IGFL4: variants seen among roughly 807,000 people sequenced by gnomAD.
The protein encoded by IGFL4 is insulin growth factor-like family member 4.
Under a neutral mutation model 15.4 loss-of-function variants are expected in IGFL4, and 12 were observed. The observed-to-expected ratio is 0.78, with a 90% CI of 0.50 to 1.26. IGFL4 has a LOEUF of 1.26. Among genes scored for constraint, IGFL4 ranks in the 50% most tolerant of loss-of-function variants. The pLI is 0.00. For missense variants in IGFL4, 126 were observed against 147.8 expected, an observed-to-expected ratio of 0.85 and a Z score of 0.76; for synonymous variants, 54 against 55.9, an observed-to-expected ratio of 0.97 and a Z score of 0.16.
chr19:46,049,681 C>T (rs976974693), intron 2 of IGFL4, among the ~76,000 whole-genome samples: 3 of 152,138 alleles, frequency 2.0e-5, no homozygotes, highest in Admixed American at 1.3e-4. Flanking sequence ...TTTTCTCTAT[C>T]GGCCCTGGGA....
Position 46,039,991 on chromosome 19 carries a change from TGGC to T in IGFL4, c.331-58_331-56del, listed in dbSNP as rs1555813935. The T allele has an allele frequency of 1.2e-5, 19 of 1,530,154 alleles. No individual in the cohort carries two copies. The African/African-American group carries it at 1.4e-4, about 11-fold the overall frequency. 94.8% of individuals were successfully genotyped at this position (1,530,154 alleles called of 1,614,324 possible). On this transcript the variant is annotated intron_variant, in intron 3 of 3. Transcript: ENST00000377697. Reference sequence around the variant, plus strand: ...ATAAGAGGGAGGGTGGTAGCAGCAGTGGCGGGGAAGGAACAGAGACATGGAGAA... The same window carrying T: ...ATAAGAGGGAGGGTGGTAGCAGCAGTGGGGAAGGAACAGAGACATGGAGAA...
intron 2 of IGFL4, among the ~76,000 whole-genome samples, chr19:46,049,996 C>G (rs1969331182): frequency 6.6e-6 from 1 of 152,160 alleles, no homozygotes; most frequent in Non-Finnish European, 1.5e-5. Flanking sequence ...TGGGACTCTT[C>G]GCAGACACTC....
At chr19:46,050,915 A>G (rs2146515834) in intron 2 of IGFL4, among the ~76,000 whole-genome samples, 1 of 152,312 alleles carries the variant, frequency 6.6e-6, no homozygotes, top group Middle Eastern at 3.4e-3. Context: ...AAGTCCTGTG[A>G]GGCAAAAGCA....
At chr19:46,042,854 G>A (rs572317171), upstream of IGFL4, among the ~76,000 whole-genome samples, 20 of 152,312 alleles carry the variant, frequency 1.3e-4, no homozygotes, top group East Asian at 2.7e-3. Flanking sequence ...GTGTCATGGC[G>A]GCCTCCCTTA....
chr19:46,066,751 C>A (rs531954131), intron 1 of IGFL4, among the ~76,000 whole-genome samples: 25 of 152,160 alleles, frequency 1.6e-4, no homozygotes, highest in Admixed American at 3.9e-4. Context: ...GAGGACAGCA[C>A]CAAGCTATGA....
chr19:46,057,829 T>C (rs1240235854), intron 2 of IGFL4: 1 of 152,090 alleles, frequency 6.6e-6, no homozygotes, highest in Non-Finnish European at 1.5e-5. Context: ...TATAAAACCA[T>C]CAGAACTCTT....
chr19:46,068,832 CAA>C (rs758842560), intron 1 of IGFL4, among the ~76,000 whole-genome samples: 3 of 152,258 alleles, frequency 2.0e-5, no homozygotes, highest in Non-Finnish European at 4.4e-5. Context: ...AGCCTCAGGG[CAA>C]TCACATTCGG....
intron 1 of IGFL4, among the ~76,000 whole-genome samples, chr19:46,070,187 A>C (rs1969532629): frequency 6.6e-6 from 1 of 151,232 alleles, no homozygotes; most frequent in Non-Finnish European, 1.5e-5. Flanking sequence ...TGAGGAATGC[A>C]TGTGTTCTTA....
Position 46,040,240 on chromosome 19 carries a change from G to C in IGFL4, c.247C>G (p.Gln83Glu). Residue 83 changes from glutamine to glutamate, a missense_variant, in exon 3 of 4, where the codon CAG becomes GAG. Coordinates refer to ENST00000377697, the MANE Select transcript of IGFL4 (RefSeq NM_001002923.3). This position sits in a 1 kb window ranked among gnomAD's most constrained non-coding sequence, Gnocchi z 4.1. Reference protein sequence around the residue: ...QHCCLESLGSQNQTVVRFKVP... With the variant: ...QHCCLESLGSENQTVVRFKVP... Reference sequence around the variant, plus strand: ...TTGAACCTCACAACTGTCTGGTTCTGAGAGCCCAAAGACTCCAGGCAGCAG... The same window carrying C: ...TTGAACCTCACAACTGTCTGGTTCTCAGAGCCCAAAGACTCCAGGCAGCAG... 1.2e-6 allele frequency: 2 copies of C among 1,614,182 alleles called. No individual in the cohort carries two copies. The highest frequency in any genetic ancestry group is 1.7e-6 in the Non-Finnish European group (2 of 1,180,016).
chr19:46,053,432 C>G (rs1273705605), intron 2 of IGFL4, among the ~76,000 whole-genome samples: 4 of 152,106 alleles, frequency 2.6e-5, no homozygotes, highest in Non-Finnish European at 5.9e-5. Context: ...CCAGGGTGGT[C>G]TGGAACTCCT....
At chr19:46,064,483 TTCCAGCC>T (rs2146525366) in intron 1 of IGFL4, among the ~76,000 whole-genome samples, 1 of 152,268 alleles carries the variant, frequency 6.6e-6, no homozygotes, top group Non-Finnish European at 1.5e-5. Flanking sequence ...CCCATACCCT[TTCCAGCC>T]TCCAGTAACC....
At chr19:46,046,501 C>T (rs747894400) in intron 2 of IGFL4, among the ~76,000 whole-genome samples, 1 of 152,176 alleles carries the variant, frequency 6.6e-6, no homozygotes, top group African/African-American at 2.4e-5. Context: ...GATATACTGT[C>T]TTCGAGAGAC....
At chr19:46,060,748 A>G (rs1969437619) in intron 1 of IGFL4, among the ~76,000 whole-genome samples, 1 of 152,216 alleles carries the variant, frequency 6.6e-6, no homozygotes, top group East Asian at 1.9e-4. Flanking sequence ...ATACCAATAC[A>G]TATTTACACA....
intron 1 of IGFL4, among the ~76,000 whole-genome samples, chr19:46,066,070 A>G (rs1969491963): frequency 6.6e-6 from 1 of 152,056 alleles, no homozygotes; most frequent in Admixed American, 6.6e-5. Flanking sequence ...CAGCCAGGTG[A>G]TTTTTTCTCT....
chr19:46,077,434 T>C (rs371950042), upstream of IGFL4, among the ~76,000 whole-genome samples: 1 of 151,898 alleles, frequency 6.6e-6, no homozygotes, highest in African/African-American at 2.4e-5. The surrounding 1 kb of genome is among the most constrained non-coding windows in gnomAD (Gnocchi z 5.4). Flanking sequence ...CCGCCTGACA[T>C]TGAAAAAGAC....
chr19:46,040,023 CAG>C lies in IGFL4; in HGVS notation c.331-89_331-88del. 1 of 1,505,578 alleles carries C rather than the reference CAG, an allele frequency of 6.6e-7. No homozygotes were observed. Among genetic ancestry groups the C allele is most frequent in the Admixed American group, 1.7e-5 (1 of 59,778 alleles). The allele number at this position is 1,505,578 out of a possible 1,614,324, so 93.3% of individuals were successfully genotyped here. A position where few individuals can be genotyped will look rare whatever the true frequency, so the allele number is the denominator to read the frequency against. ...GAAGGAACAGAGACATGGAGAAAGACAGAGTTGCATGGTTACTGAGAGATGGG... is the reference window on the plus strand; with the variant it reads ...GAAGGAACAGAGACATGGAGAAAGACAGTTGCATGGTTACTGAGAGATGGG... On this transcript the variant is annotated intron_variant, in intron 3 of 3. Coordinates refer to ENST00000377697, the MANE Select transcript of IGFL4 (RefSeq NM_001002923.3). This position sits in a 1 kb window ranked among gnomAD's most constrained non-coding sequence, Gnocchi z 4.1.
chr19:46,046,408 A>G (rs904784236), intron 2 of IGFL4, among the ~76,000 whole-genome samples: 5 of 152,188 alleles, frequency 3.3e-5, no homozygotes, highest in South Asian at 2.1e-4. Flanking sequence ...ACACATAACA[A>G]TACTAACCTT....
At chr19:46,056,564 C>T (rs941284720) in intron 2 of IGFL4, among the ~76,000 whole-genome samples, 1 of 152,136 alleles carries the variant, frequency 6.6e-6, no homozygotes, top group Admixed American at 6.5e-5. Flanking sequence ...GGAGATGCCT[C>T]CTGATGAATT....
rs995247832 is a variant in IGFL4 at position 46,073,545 on chromosome 19, T to C, written c.-432+3475A>G. 1.3e-5 allele frequency among the ~76,000 whole-genome samples: 2 copies of C among 152,238 alleles called. 1 individual carries two copies. The highest frequency in any genetic ancestry group is 1.3e-4 in the Admixed American group (2 of 15,296). ...TAGGCCCTCTGTGTGATGGATGCGG[T>C]CCCGTAACCAAAGGGAGACAAAGTT... On this transcript the variant is annotated intron_variant, in intron 1 of 5. Coordinates refer to the IGFL4 transcript ENST00000601672.
Sources: gnomAD v4.1 joint callset for allele counts (sites outside exome capture counted in the v4.1 genomes callset) on GRCh38, gnomAD v4.1.1 for gene constraint, Gnocchi (gnomAD v3.1) non-coding constraint, MANE v1.5 for transcripts, NCBI Gene and HGNC (gene_info 2026-07-23, HGNC 2026-07-21) for gene names.